The following CMTR1 variants were observed in gnomAD, a reference collection of about 807,000 sequenced individuals.
CMTR1 encodes the protein cap methyltransferase 1.
In CMTR1, 39 loss-of-function variants were observed where a neutral mutation model predicts 107.0. The observed-to-expected ratio is 0.36, with a 90% CI of 0.28 to 0.48. The LOEUF (loss-of-function observed/expected upper bound fraction) is 0.48. Ranked by LOEUF, CMTR1 falls within the 20% of genes least tolerant of loss-of-function variation. CMTR1 has a pLI of 0.99. For missense variants in CMTR1, 672 were observed against 1,064.9 expected, an observed-to-expected ratio of 0.63 and a Z score of 5.14; for synonymous variants, 366 against 379.5, an observed-to-expected ratio of 0.96 and a Z score of 0.41.
intron 4 of CMTR1, among the ~76,000 whole-genome samples, chr6:37,446,808 A>G (rs1293557019): frequency 1.3e-5 from 2 of 152,238 alleles, no homozygotes; most frequent in Non-Finnish European, 2.9e-5. Flanking sequence ...AGGCAGGCCA[A>G]GGGAGCACCC....
At position 37,481,188 on chromosome 6, in the gene CMTR1, CAG is replaced by C. The variant is rs1396032893; in HGVS notation, c.*1048_*1049del. Reference sequence around the variant, plus strand: ...ATTTCCTTTATCTTGGCCGACAACACAGAGAGGAGGGGGAGCTGGGCAGTAGC... The same window carrying C: ...ATTTCCTTTATCTTGGCCGACAACACAGAGGAGGGGGAGCTGGGCAGTAGC... On this transcript the variant is annotated 3_prime_UTR_variant, in exon 24 of 24. Coordinates refer to ENST00000373451, the MANE Select transcript of CMTR1 (RefSeq NM_015050.3). 3 of 1,297,878 alleles carry C rather than the reference CAG, an allele frequency of 2.3e-6. No homozygotes were observed. Among genetic ancestry groups the C allele is most frequent in the East Asian group, 5.6e-5 (1 of 17,758 alleles). The allele number at this position is 1,297,878 out of a possible 1,614,324, so 80.4% of individuals were successfully genotyped here. A position where few individuals can be genotyped will look rare whatever the true frequency, so the allele number is the denominator to read the frequency against.
At chr6:37,473,396 C>T (rs1756158464) in intron 16 of CMTR1, 74 bp from the exon 17 acceptor site, 1 of 1,526,642 alleles carries the variant, frequency 6.6e-7, no homozygotes, top group South Asian at 1.3e-5. Flanking sequence ...GTCGAGCCTG[C>T]CCCCAGCCCA....
intron 2 of CMTR1, 69 bp from the exon 3 acceptor site, chr6:37,443,930 G>C (rs552760785): frequency 1.3e-6 from 2 of 1,542,118 alleles, no homozygotes; most frequent in South Asian, 2.4e-5. Context: ...TTGAATAAAT[G>C]AAACTTGGAT....
chr6:37,471,714 G>A (rs528695982), intron 14 of CMTR1, 133 bp from the exon 15 acceptor site: 14 of 683,830 alleles, frequency 2.0e-5, no homozygotes, highest in African/African-American at 1.4e-4. Context: ...TGGGCCAGTG[G>A]CAGCATAGTG....
intron 10 of CMTR1, among the ~76,000 whole-genome samples, chr6:37,460,014 C>T (rs1448082574): frequency 6.6e-6 from 1 of 152,128 alleles, no homozygotes; most frequent in Non-Finnish European, 1.5e-5. Flanking sequence ...ACAGGAGGCT[C>T]TTGTCAGGGC....
chr6:37,435,752 T>C lies in CMTR1; in HGVS notation c.123T>C (p.His41=). The C allele has an allele frequency of 6.3e-7, 1 of 1,595,028 alleles. No homozygotes were observed. The highest frequency in any genetic ancestry group is 8.5e-7 in the Non-Finnish European group (1 of 1,173,622). The part of the protein sequence containing the change: ...SDDEPPSSVS[H]GAKASTTSLS... ...ATGAACCTCCCTCCTCTGTCAGTCA[T>C]GGAGCAAAAGGTACGTGTGCTTGTG... The change falls in exon 2 of 24, where the codon CAT becomes CAC. Residue 41 remains histidine (H), a synonymous_variant. Coordinates refer to ENST00000373451, the MANE Select transcript of CMTR1 (RefSeq NM_015050.3).
Position 37,481,478 on chromosome 6 carries a change from C to T in CMTR1, c.*1333C>T, listed in dbSNP as rs1761857115. On this transcript the variant is annotated 3_prime_UTR_variant, in exon 24 of 24. Transcript: ENST00000373451. Reference sequence around the variant, plus strand: ...GGTATATCAGTGTGTCTTGCAGAATCTTGGATCATTAAAGATAAACATATT... The same window carrying T: ...GGTATATCAGTGTGTCTTGCAGAATTTTGGATCATTAAAGATAAACATATT... 1.8e-6 allele frequency: 2 copies of T among 1,117,582 alleles called. No individual in the cohort carries two copies. Among genetic ancestry groups the T allele is most frequent in the South Asian group, 2.2e-5 (1 of 45,812 alleles). The allele number at this position is 1,117,582 out of a possible 1,614,324, so 69.2% of individuals were successfully genotyped here.
At chr6:37,461,388 A>G (rs1761400969) in intron 10 of CMTR1, among the ~76,000 whole-genome samples, 161 bp from the exon 11 acceptor site, 1 of 152,252 alleles carries the variant, frequency 6.6e-6, no homozygotes, top group African/African-American at 2.4e-5. Flanking sequence ...TAACAAGCCC[A>G]GTGACCTTCT....
chr6:37,479,055 A>G, intron 22 of CMTR1, 92 bp from the exon 23 acceptor site: 1 of 848,050 alleles, frequency 1.2e-6, no homozygotes, highest in Non-Finnish European at 1.9e-6. Flanking sequence ...GGAGGCAGGA[A>G]TAGGACCACC....
intron 1 of CMTR1, 123 bp from the exon 2 acceptor site, chr6:37,435,501 G>A: frequency 1.0e-6 from 1 of 1,003,616 alleles, no homozygotes; most frequent in South Asian, 1.7e-5. Flanking sequence ...TCAAGTGCTG[G>A]CACTGGAAGA....
chr6:37,474,707 C>A, intron 18 of CMTR1, 61 bp downstream of exon 18: 1 of 1,596,252 alleles, frequency 6.3e-7, no homozygotes, highest in East Asian at 2.2e-5. Context: ...GGCTGCTGAA[C>A]CTGGCCTTTT....
intron 10 of CMTR1, among the ~76,000 whole-genome samples, chr6:37,460,373 G>T (rs1761377994): frequency 1.3e-5 from 2 of 152,186 alleles, no homozygotes; most frequent in South Asian, 4.1e-4. Flanking sequence ...CAGATGACAG[G>T]CTTGGGGCTG....
At chr6:37,447,181 G>T (rs1474554492) in intron 4 of CMTR1, among the ~76,000 whole-genome samples, 1 of 152,190 alleles carries the variant, frequency 6.6e-6, no homozygotes, top group African/African-American at 2.4e-5. Context: ...CTAGCTTTCT[G>T]CATAGTTGCT....
At chr6:37,460,696 TTTTC>T (rs1039926980) in intron 10 of CMTR1, among the ~76,000 whole-genome samples, 8 of 152,294 alleles carry the variant, frequency 5.3e-5, no homozygotes, top group African/African-American at 1.9e-4. Flanking sequence ...CAGCGTCCTT[TTTTC>T]TTTATTTTAT....
chr6:37,478,307 C>T, intron 21 of CMTR1, 102 bp from the exon 22 acceptor site: 1 of 918,380 alleles, frequency 1.1e-6, no homozygotes, highest in Non-Finnish European at 1.8e-6. Context: ...TAAGTCAAAC[C>T]AGGATCAGAT....
At chr6:37,428,620 G>T (rs980503729), upstream of CMTR1, among the ~76,000 whole-genome samples, 2 of 152,052 alleles carry the variant, frequency 1.3e-5, no homozygotes, top group Non-Finnish European at 1.5e-5. Flanking sequence ...ACTGCGCCTG[G>T]CTAATTTTTG....
intron 4 of CMTR1, among the ~76,000 whole-genome samples, chr6:37,446,962 G>C (rs1771811588): frequency 6.6e-6 from 1 of 152,110 alleles, no homozygotes; most frequent in African/African-American, 2.4e-5. Flanking sequence ...GCTTACTAGG[G>C]TACCAGTTTG....
At chr6:37,474,680 C>T in intron 18 of CMTR1, 34 bp downstream of exon 18, 2 of 1,609,690 alleles carry the variant, frequency 1.2e-6, no homozygotes, top group Non-Finnish European at 1.7e-6. Flanking sequence ...GTTGGCCCTG[C>T]AGCTAGGGGA....
chr6:37,469,169 C>CT (rs1221183465), intron 13 of CMTR1, among the ~76,000 whole-genome samples: 1 of 151,804 alleles, frequency 6.6e-6, no homozygotes, highest in Non-Finnish European at 1.5e-5. Context: ...AAACAAAAAA[C>CT]TATTTCCCTT....
Sources: allele counts gnomAD v4.1 joint callset (sites outside exome capture counted in the v4.1 genomes callset), GRCh38; gene constraint gnomAD v4.1.1; transcripts MANE v1.5; gene names NCBI Gene and HGNC (gene_info 2026-07-23, HGNC 2026-07-21).